The following PRKN variants were observed in gnomAD, a reference collection of about 807,000 sequenced individuals.
The protein encoded by PRKN is parkin RBR E3 ubiquitin protein ligase.
PRKN carries 56 observed loss-of-function variants against 59.5 expected under a neutral mutation model. The observed-to-expected ratio is 0.94, with a 90% CI of 0.76 to 1.18. The LOEUF (loss-of-function observed/expected upper bound fraction) is 1.18. Ranked by LOEUF, PRKN falls within the 50% of genes most tolerant of loss-of-function variation. The pLI is 0.00. For missense variants in PRKN, 657 were observed against 596.4 expected (o/e 1.10, Z -1.06); for synonymous variants, 250 against 222.1 (o/e 1.13, Z -1.12).
rs371659214 is a variant in PRKN, at chr6:161,400,140, G to A, written c.1084-13263C>T. ...TAGTGGCCACCATGCTGGCCACCAC[G>A]CTGGACTGCGCAGGTCTACAAGGAC... On this transcript the variant is annotated intron_variant, in intron 9 of 11. Coordinates refer to ENST00000366898, the MANE Select transcript of PRKN (RefSeq NM_004562.3). The surrounding 1 kb of genome is among the most constrained non-coding windows in gnomAD (Gnocchi z 4.2). 1.3e-5 allele frequency among the ~76,000 whole-genome samples: 2 copies of A among 152,030 alleles called. No individual in the cohort carries two copies. Among genetic ancestry groups the A allele is most frequent in the East Asian group, 1.9e-4 (1 of 5,164 alleles).
chr6:162,574,670 T>C (rs1451957270), intron 1 of PRKN, among the ~76,000 whole-genome samples: 2 of 117,810 alleles, frequency 1.7e-5, no homozygotes, highest in African/African-American at 3.3e-5. Context: ...GAAGAGATCA[T>C]AAGATTGCTA....
rs553241032 is a variant in PRKN at position 162,073,353 on chromosome 6, C to G, written c.535-19179G>C. On this transcript the variant is annotated intron_variant, in intron 4 of 11. Transcript: ENST00000366898. The stretch of plus-strand genomic sequence containing the variant: ...TTCCTGTATTTATTACTCAGTACTG[C>G]CAAGTTAACTCAATGGCTGCCTAAA... Among the ~76,000 whole-genome samples, 378 of 152,324 alleles carry G rather than the reference C, an allele frequency of 2.5e-3. 2 individuals carry two copies. Among genetic ancestry groups the G allele is most frequent in the South Asian group, 8.7e-3 (42 of 4,824 alleles).
chr6:162,330,464 T>C (rs1489629708), intron 2 of PRKN, among the ~76,000 whole-genome samples: 1 of 152,218 alleles, frequency 6.6e-6, no homozygotes, highest in East Asian at 1.9e-4. Flanking sequence ...TTCTGTTATA[T>C]ATCCTCCTGT....
chr6:162,104,851 A>AC (rs1780123076), intron 4 of PRKN, among the ~76,000 whole-genome samples: 8 of 152,244 alleles, frequency 5.3e-5, no homozygotes, highest in Non-Finnish European at 1.0e-4. Flanking sequence ...TAATTCTAAT[A>AC]GGCATCCTTA....
chr6:162,014,806 G>A lies in PRKN; in HGVS notation c.618+39285C>T, dbSNP rs559846282. Among the ~76,000 whole-genome samples the A allele has an allele frequency of 2.2e-3, 298 of 134,884 alleles. 2 individuals are homozygous for A. The highest frequency in any genetic ancestry group is 3.5e-3 in the Middle Eastern group (1 of 284). The allele number at this position is 134,884 out of a possible 152,430, so 88.5% of individuals were successfully genotyped here. On this transcript the variant is annotated intron_variant, in intron 5 of 11. Coordinates refer to ENST00000366898, the MANE Select transcript of PRKN (RefSeq NM_004562.3). ...GATAACACAATACAGATCACCTTTC[G>A]TATTTTTTTTTTCACTCAGCAAGGT... is the stretch of plus-strand genomic sequence containing the variant.
intron 7 of PRKN, among the ~76,000 whole-genome samples, chr6:161,571,819 A>G (rs533928343): frequency 9.2e-5 from 14 of 152,326 alleles, no homozygotes; most frequent in South Asian, 2.1e-4. Context: ...CAATGTGGGC[A>G]GGCATCGTCC....
Position 161,554,157 on chromosome 6 carries a change from A to C in PRKN, c.934-5154T>G, listed in dbSNP as rs1371918456. 2.0e-5 allele frequency among the ~76,000 whole-genome samples: 3 copies of C among 152,222 alleles called. No individual in the cohort carries two copies. The highest frequency in any genetic ancestry group is 7.2e-5 in the African/African-American group (3 of 41,438). The stretch of plus-strand genomic sequence containing the variant: ...TTCTTCCACACTGGTTCTCAAGAAC[A>C]CAGAAGATGACATAATTACAATATT... On this transcript the variant is annotated intron_variant, in intron 8 of 11. Transcript: ENST00000366898. This position sits in a 1 kb window ranked among gnomAD's most constrained non-coding sequence, Gnocchi z 4.5.
intron 1 of PRKN, among the ~76,000 whole-genome samples, chr6:162,619,710 T>A (rs201438063): frequency 0.066 from 9,946 of 150,464 alleles, 475 homozygotes; most frequent in East Asian, 0.3. Context: ...CTTTTTCCAC[T>A]CACACACACA....
intron 1 of PRKN, among the ~76,000 whole-genome samples, chr6:162,557,461 C>T (rs1427839574): frequency 1.3e-5 from 2 of 152,174 alleles, no homozygotes; most frequent in African/African-American, 2.4e-5. Context: ...GCTCTTCAGG[C>T]GTTGACCATA....
intron 4 of PRKN, among the ~76,000 whole-genome samples, chr6:162,127,501 G>A (rs1393099073): frequency 2.0e-5 from 3 of 152,144 alleles, no homozygotes; most frequent in Non-Finnish European, 4.4e-5. Flanking sequence ...TAGAAGTAGT[G>A]AAATAAGTGA....
intron 4 of PRKN, among the ~76,000 whole-genome samples, chr6:162,150,703 CT>C (rs1258602985): frequency 1.3e-5 from 2 of 151,986 alleles, no homozygotes; most frequent in East Asian, 1.9e-4. Context: ...TCCCTGCCAG[CT>C]TTTTTCAAGG....
At chr6:161,682,247 A>G (rs552977374) in intron 7 of PRKN, among the ~76,000 whole-genome samples, 13 of 152,162 alleles carry the variant, frequency 8.5e-5, no homozygotes, top group Admixed American at 7.2e-4. Flanking sequence ...AAAGGGCAAC[A>G]TCCAGAGATT....
rs187341869 is a variant in PRKN at position 162,314,069 on chromosome 6, A to G, written c.172-51304T>C. Among the ~76,000 whole-genome samples the G allele has an allele frequency of 1.7e-3, 260 of 152,214 alleles. 1 individual carries two copies. Among genetic ancestry groups the G allele is most frequent in the African/African-American group, 6.0e-3 (250 of 41,502 alleles). ...TCATATCGCCACCACCCAAGTCAAG[A>G]CACAAAGAAGGTTTCCATGTAGCGC... On this transcript the variant is annotated intron_variant, in intron 2 of 11. Transcript: ENST00000366898.
intron 7 of PRKN, among the ~76,000 whole-genome samples, chr6:161,742,451 C>A (rs921040773): frequency 6.6e-6 from 1 of 152,174 alleles, no homozygotes; most frequent in African/African-American, 2.4e-5. Flanking sequence ...TCTTTATTAG[C>A]AGCATGAGAA....
At chr6:161,711,295 T>C (rs1752898264) in intron 7 of PRKN, among the ~76,000 whole-genome samples, 1 of 152,146 alleles carries the variant, frequency 6.6e-6, no homozygotes, top group Non-Finnish European at 1.5e-5. Flanking sequence ...ACGATGGTAA[T>C]GCAAATGGAG....
At chr6:162,010,102 T>G (rs994224389) in intron 5 of PRKN, among the ~76,000 whole-genome samples, 5 of 149,546 alleles carry the variant, frequency 3.3e-5, no homozygotes, top group Non-Finnish European at 5.9e-5. Flanking sequence ...GGGAACAATG[T>G]CTCTTGTTTG....
chr6:162,551,078 T>G (rs1442462331), intron 1 of PRKN, among the ~76,000 whole-genome samples: 1 of 152,208 alleles, frequency 6.6e-6, no homozygotes, highest in East Asian at 1.9e-4. Flanking sequence ...TCTAGTGATC[T>G]GATGCTTGTA....
rs532072063 is a variant in PRKN, at chr6:161,396,104, G to A, written c.1084-9227C>T. 2.0e-5 allele frequency among the ~76,000 whole-genome samples: 3 copies of A among 152,190 alleles called. No individual in the cohort carries two copies. The highest frequency in any genetic ancestry group is 4.4e-5 in the Non-Finnish European group (3 of 68,040). On this transcript the variant is annotated intron_variant, in intron 9 of 11. Transcript: ENST00000366898. The surrounding 1 kb of genome is among the most constrained non-coding windows in gnomAD (Gnocchi z 5.4). The stretch of plus-strand genomic sequence containing the variant: ...GAGGACAGGGGAAGCTGGGGTGGGA[G>A]TGCTGTATGCTCTCGGTCCCTAATC...
intron 9 of PRKN, among the ~76,000 whole-genome samples, chr6:161,486,308 G>T (rs1791641262): frequency 1.3e-5 from 2 of 152,128 alleles, no homozygotes; most frequent in South Asian, 2.1e-4. Context: ...AGAAACTTTA[G>T]CTCAAGGCTG....
Sources: gnomAD v4.1 joint callset for allele counts (sites outside exome capture counted in the v4.1 genomes callset) on GRCh38, gnomAD v4.1.1 for gene constraint, Gnocchi (gnomAD v3.1) non-coding constraint, MANE v1.5 for transcripts, NCBI Gene and HGNC (gene_info 2026-07-23, HGNC 2026-07-21) for gene names.